EVC2: variants seen among roughly 807,000 people sequenced by gnomAD.
The protein encoded by EVC2 is EvC ciliary complex subunit 2.
A neutral mutation model predicts 149.3 loss-of-function variants in EVC2; 148 were observed. The observed-to-expected ratio is 0.99, with a 90% CI of 0.87 to 1.14. The LOEUF (loss-of-function observed/expected upper bound fraction) is 1.14. EVC2 is among the 50% of genes most tolerant of loss of function. The pLI is 0.00. For missense variants in EVC2, 1,854 were observed against 1,627.3 expected, an observed-to-expected ratio of 1.14 and a Z score of -2.40; for synonymous variants, 776 against 649.9, an observed-to-expected ratio of 1.19 and a Z score of -2.95.
At chr4:5,562,324 G>A (rs749454482), downstream of EVC2, 3 of 501,530 alleles carry the variant, frequency 6.0e-6, no homozygotes, top group East Asian at 1.4e-4. This position sits in a 1 kb window ranked among gnomAD's most constrained non-coding sequence, Gnocchi z 4.3. Context: ...TTTGGCAACT[G>A]GAGCGATAGA....
chr4:5,649,638 T>A (rs899940645), intron 9 of EVC2, among the ~76,000 whole-genome samples: 4 of 152,210 alleles, frequency 2.6e-5, no homozygotes, highest in Non-Finnish European at 5.9e-5. Flanking sequence ...GACTCATTAA[T>A]CAACATGGTG....
intron 7 of EVC2, among the ~76,000 whole-genome samples, chr4:5,674,394 A>G (rs1328514186): frequency 6.6e-6 from 1 of 152,206 alleles, no homozygotes; most frequent in Non-Finnish European, 1.5e-5. Context: ...AGAGGTTTTT[A>G]AAATGAGAAA....
intron 17 of EVC2, among the ~76,000 whole-genome samples, chr4:5,580,481 G>T (rs976031814): frequency 2.6e-5 from 4 of 152,206 alleles, no homozygotes; most frequent in Non-Finnish European, 5.9e-5. Flanking sequence ...AATCAGTGTG[G>T]TCTCAAGTAA....
At chr4:5,693,012 C>A (rs1721232367) in intron 3 of EVC2, among the ~76,000 whole-genome samples, 1 of 152,228 alleles carries the variant, frequency 6.6e-6, no homozygotes. Context: ...CCCGCTAATG[C>A]CTTTTTAACG....
Position 5,686,984 on chromosome 4 carries a change from T to C in EVC2, c.707-1505A>G, listed in dbSNP as rs980055622. ...AAATAACAACAACAGTGGCCGGGCA[T>C]GGTGGCTCACGCCTGTAATCCTAGC... is the stretch of plus-strand genomic sequence containing the variant. On this transcript the variant is annotated intron_variant, in intron 5 of 21. Transcript: ENST00000344408. This position sits in a 1 kb window ranked among gnomAD's most constrained non-coding sequence, Gnocchi z 5.4. Among the ~76,000 whole-genome samples the C allele has an allele frequency of 8.5e-5, 13 of 152,130 alleles. No homozygotes were observed. The highest frequency in any genetic ancestry group is 2.6e-4 in the Admixed American group (4 of 15,278).
chr4:5,635,518 C>T (rs1435066213), intron 10 of EVC2, among the ~76,000 whole-genome samples: 2 of 152,118 alleles, frequency 1.3e-5, no homozygotes, highest in African/African-American at 4.8e-5. Context: ...AGGGAGGATA[C>T]AGAAGTTCCA....
rs1322692585 is a variant in EVC2 at position 5,696,772 on chromosome 4, G to T, written c.283+821C>A. On this transcript the variant is annotated intron_variant, in intron 2 of 21. Coordinates refer to ENST00000344408, the MANE Select transcript of EVC2 (RefSeq NM_147127.5). The surrounding 1 kb of genome is among the most constrained non-coding windows in gnomAD (Gnocchi z 4.1). ...TTACAGATGCCAATGAATTCCTCTT[G>T]ATGAAATGAGTGTCAGTTGAATTTC... 6.6e-6 allele frequency among the ~76,000 whole-genome samples: 1 copy of T among 152,214 alleles called. No individual in the cohort carries two copies. The highest frequency in any genetic ancestry group is 1.5e-5 in the Non-Finnish European group (1 of 68,032).
intron 16 of EVC2, among the ~76,000 whole-genome samples, chr4:5,612,301 T>C (rs1042862176): frequency 5.3e-5 from 8 of 152,202 alleles, no homozygotes; most frequent in Non-Finnish European, 1.2e-4. Flanking sequence ...AGTTTTTCTC[T>C]TGGATAAACT....
In EVC2 at chr4:5,622,813, G is replaced by A. The variant is rs764719201; in HGVS notation, c.2225C>T (p.Ser742Leu). The change falls in exon 14 of 22, where the codon TCG (serine) becomes TTG (leucine). Residue 742 changes from serine to leucine, a missense_variant. Transcript: ENST00000344408. The surrounding 1 kb of genome is among the most constrained non-coding windows in gnomAD (Gnocchi z 5.8). The part of the protein sequence containing the change: ...ALDDLRTLTL[S>L]LFEKATDELR... ...CTCGTCGGTGGCCTTTTCAAACAGC[G>A]AAAGGGTCAGGGTCCTGAGATCGTC... 1.2e-5 allele frequency: 19 copies of A among 1,613,884 alleles called. No homozygotes were observed. Among genetic ancestry groups the A allele is most frequent in the Middle Eastern group, 1.6e-4 (1 of 6,084 alleles).
rs1032044767 is a variant in EVC2 at position 5,563,016 on chromosome 4, G to A, written c.3759C>T (p.Ala1253=). ...HLSLEPIGEL[A]PVPIVGAETI... is the part of the protein sequence containing the mutation. ...TTTCTGCCCCTACAATGGGTACAGGGGCCAGTTCGCCAATGGGCTCCAGTG... is the reference window on the plus strand; with the variant it reads ...TTTCTGCCCCTACAATGGGTACAGGAGCCAGTTCGCCAATGGGCTCCAGTG... Residue 1253 remains alanine (A), a synonymous_variant, in exon 22 of 22, where the codon GCC becomes GCT. Transcript: ENST00000344408. 1.2e-6 allele frequency: 2 copies of A among 1,614,058 alleles called. No individual in the cohort carries two copies. Among genetic ancestry groups the A allele is most frequent in the Non-Finnish European group, 1.7e-6 (2 of 1,180,044 alleles).
intron 9 of EVC2, among the ~76,000 whole-genome samples, chr4:5,644,938 T>C (rs1319029163): frequency 6.6e-6 from 1 of 152,336 alleles, no homozygotes; most frequent in African/African-American, 2.4e-5. Context: ...GATGGGCACT[T>C]AGGTTGATTT....
intron 16 of EVC2, among the ~76,000 whole-genome samples, chr4:5,598,172 C>T (rs1197801881): frequency 1.3e-5 from 2 of 151,422 alleles, no homozygotes; most frequent in African/African-American, 4.8e-5. Context: ...CAATGCCATC[C>T]CCATCCAGCT....
intron 6 of EVC2, among the ~76,000 whole-genome samples, chr4:5,684,805 A>C (rs1309761144): frequency 1.3e-5 from 2 of 152,154 alleles, no homozygotes; most frequent in Admixed American, 6.5e-5. Context: ...TGAGGTTGCT[A>C]GGCTGGGTCA....
chr4:5,698,629 G>A (rs961952291), intron 1 of EVC2, among the ~76,000 whole-genome samples: 3 of 152,204 alleles, frequency 2.0e-5, no homozygotes, highest in Admixed American at 6.5e-5. Flanking sequence ...TTCTCCATGT[G>A]CCAGTGCTTA....
intron 8 of EVC2, among the ~76,000 whole-genome samples, chr4:5,664,972 T>A (rs749935164): frequency 1.6e-4 from 23 of 141,278 alleles, no homozygotes; most frequent in Non-Finnish European, 3.2e-4. Context: ...ATGGGGTGCG[T>A]GTGGGTGACA....
intron 21 of EVC2, among the ~76,000 whole-genome samples, chr4:5,549,122 T>G (rs1311871619): frequency 6.6e-6 from 1 of 152,182 alleles, no homozygotes; most frequent in Non-Finnish European, 1.5e-5. Context: ...AACATAATTT[T>G]GAAACTGAAT....
chr4:5,626,055 C>T (rs1483351044), intron 12 of EVC2, 147 bp from the exon 13 acceptor site: 2 of 946,092 alleles, frequency 2.1e-6, no homozygotes, highest in Non-Finnish European at 1.6e-6. Context: ...GAATGGGCAG[C>T]TAAGATATTA....
intron 3 of EVC2, among the ~76,000 whole-genome samples, chr4:5,692,226 CTA>C (rs1353785848): frequency 6.6e-6 from 1 of 152,050 alleles, no homozygotes; most frequent in East Asian, 1.9e-4. Flanking sequence ...TGGGGCCTTG[CTA>C]TGTTTCCCAG....
intron 11 of EVC2, among the ~76,000 whole-genome samples, chr4:5,629,552 A>G (rs557786292): frequency 6.6e-6 from 1 of 152,394 alleles, no homozygotes; most frequent in South Asian, 2.1e-4. Context: ...ATCTGTGGAA[A>G]TATCACCCAT....
Sources: gnomAD v4.1 joint callset for allele counts (sites outside exome capture counted in the v4.1 genomes callset) on GRCh38, gnomAD v4.1.1 for gene constraint, Gnocchi (gnomAD v3.1) non-coding constraint, MANE v1.5 for transcripts, NCBI Gene and HGNC (gene_info 2026-07-23, HGNC 2026-07-21) for gene names.